Variants in TPRG1 observed in about 807,000 individuals in gnomAD.
TPRG1 encodes tumor protein p63 regulated 1, also known as tumor protein p63-regulated gene 1 protein.
TPRG1 carries 29 observed loss-of-function variants against 29.3 expected under a neutral mutation model. The observed-to-expected ratio is 0.99, with a 90% CI of 0.74 to 1.35. The LOEUF (loss-of-function observed/expected upper bound fraction) is 1.35, where lower values mean the gene tolerates loss of function less well. Ranked by LOEUF, TPRG1 falls within the 40% of genes most tolerant of loss-of-function variation. The pLI is 0.00. For synonymous variants in TPRG1, 130 were observed against 116.8 expected (o/e 1.11, Z -0.73); for missense variants, 327 against 335.0 (o/e 0.98, Z 0.19).
Position 189,119,295 on chromosome 3 carries a change from C to T in TPRG1, c.-743-7762C>T, listed in dbSNP as rs554051918. ...TGGGTGTATTTACCCAATGCCTATG[C>T]CCCCATTGTATCTAGGAAGTCACTA... On this transcript the variant is annotated intron_variant, in intron 1 of 6. Transcript: ENST00000412373. Among the ~76,000 whole-genome samples, 83 of 152,302 alleles carry T rather than the reference C, an allele frequency of 5.4e-4. 1 individual carries two copies. Among genetic ancestry groups the T allele is most frequent in the East Asian group, 1.4e-3 (7 of 5,184 alleles).
chr3:189,062,682 T>C (rs74942211), intron 4 of TPRG1, among the ~76,000 whole-genome samples: 296 of 152,182 alleles, frequency 1.9e-3, no homozygotes, highest in African/African-American at 6.3e-3. Flanking sequence ...TTGATGCCAG[T>C]AGAATGTGAT....
At chr3:189,173,422 C>T (rs1177205699) in intron 1 of TPRG1, among the ~76,000 whole-genome samples, 1 of 150,488 alleles carries the variant, frequency 6.6e-6, no homozygotes, top group Non-Finnish European at 1.5e-5. Context: ...TCACTGCAGC[C>T]TCCACCTCCC....
intron 1 of TPRG1, among the ~76,000 whole-genome samples, chr3:189,173,977 G>A (rs1264897418): frequency 1.8e-4 from 27 of 152,186 alleles, no homozygotes; most frequent in Admixed American, 1.8e-3. Context: ...AAATGTTGGA[G>A]CTGCTCCTTA....
At chr3:189,191,657 T>C (rs1215232253) in intron 1 of TPRG1, among the ~76,000 whole-genome samples, 3 of 152,210 alleles carry the variant, frequency 2.0e-5, no homozygotes, top group Non-Finnish European at 4.4e-5. Context: ...GGGAGCTTAA[T>C]GTATATATTT....
At chr3:189,198,167 C>G (rs1732857551) in intron 1 of TPRG1, among the ~76,000 whole-genome samples, 1 of 152,160 alleles carries the variant, frequency 6.6e-6, no homozygotes, top group African/African-American at 2.4e-5. Flanking sequence ...ACCATATTAC[C>G]TGCCACTTTT....
chr3:189,225,695 G>A (rs1475213100), intron 3 of TPRG1, among the ~76,000 whole-genome samples: 2 of 152,004 alleles, frequency 1.3e-5, no homozygotes, highest in African/African-American at 4.8e-5. Context: ...GGGTTTCCTG[G>A]GTTGTGCCAA....
chr3:189,149,756 T>G (rs1360128926), intron 4 of TPRG1, among the ~76,000 whole-genome samples: 1 of 152,154 alleles, frequency 6.6e-6, no homozygotes, highest in East Asian at 1.9e-4. Context: ...ACTTCTCTGT[T>G]TCGAGCCTGT....
chr3:189,025,304 C>T (rs142954422), intron 4 of TPRG1, among the ~76,000 whole-genome samples: 1 of 152,180 alleles, frequency 6.6e-6, no homozygotes, highest in Non-Finnish European at 1.5e-5. Context: ...CATTCACTCA[C>T]TGCCTCCCTT....
chr3:189,312,166 TTTCTTTCTTTCTTTCTTTTTTTC>T (rs1232189602), intron 5 of TPRG1, among the ~76,000 whole-genome samples: 802 of 74,472 alleles, frequency 0.011, 8 homozygotes, highest in East Asian at 0.058. Context: ...TCTTTCTTTC[TTTCTTTCTTTCTTTCTTTTTTTC>T]TTTCTTTCTT....
upstream of TPRG1, among the ~76,000 whole-genome samples, chr3:189,167,221 G>A (rs1014319976): frequency 2.6e-5 from 4 of 152,188 alleles, no homozygotes; most frequent in African/African-American, 7.2e-5. Context: ...AGGAGCCCAG[G>A]TGCTTAGCAG....
chr3:189,066,190 A>G (rs1029802962), intron 4 of TPRG1, among the ~76,000 whole-genome samples: 13 of 152,176 alleles, frequency 8.5e-5, no homozygotes, highest in African/African-American at 2.9e-4. Flanking sequence ...TCTCCGAGCA[A>G]AGGAAACCCT....
At chr3:189,291,347 G>A (rs1462850422) in intron 4 of TPRG1, among the ~76,000 whole-genome samples, 2 of 152,184 alleles carry the variant, frequency 1.3e-5, no homozygotes, top group Non-Finnish European at 2.9e-5. Flanking sequence ...CTGTTTGTAT[G>A]TAAAAATACT....
chr3:188,999,564 T>A (rs142331460), intron 1 of TPRG1, among the ~76,000 whole-genome samples: 1 of 152,296 alleles, frequency 6.6e-6, no homozygotes, highest in East Asian at 1.9e-4. Flanking sequence ...TTAAAATAAC[T>A]TATTTGCCCT....
At chr3:189,267,293 G>C (rs548429276) in intron 4 of TPRG1, among the ~76,000 whole-genome samples, 1 of 152,176 alleles carries the variant, frequency 6.6e-6, no homozygotes, top group Non-Finnish European at 1.5e-5. Context: ...AAGTAGCCTT[G>C]ACAAAATAGC....
At chr3:189,155,177 C>T (rs1726505361) in intron 5 of TPRG1, among the ~76,000 whole-genome samples, 2 of 151,894 alleles carry the variant, frequency 1.3e-5, no homozygotes. Flanking sequence ...ATCATGGGGG[C>T]CTTGGAGCCC....
chr3:189,325,009 G>C lies in TPRG1; in HGVS notation c.*4189G>C, dbSNP rs945357905. The C allele has an allele frequency of 6.6e-6, 1 of 152,116 alleles. No homozygotes were observed. The highest frequency in any genetic ancestry group is 2.1e-4 in the South Asian group (1 of 4,828). The allele number at this position is 152,116 out of a possible 1,614,324, so 9.4% of individuals were successfully genotyped here. A position where few individuals can be genotyped will look rare whatever the true frequency, so the allele number is the denominator to read the frequency against. Reference sequence around the variant, plus strand: ...GCACCTCCCACAACGTGCTCCGAAAGCAGTTAGGGGACTAGGCCTCTTGAT... The same window carrying C: ...GCACCTCCCACAACGTGCTCCGAAACCAGTTAGGGGACTAGGCCTCTTGAT... On this transcript the variant is annotated 3_prime_UTR_variant, in exon 6 of 6. Coordinates refer to ENST00000345063, the MANE Select transcript of TPRG1 (RefSeq NM_198485.4).
chr3:189,143,687 G>C (rs1344377459), intron 3 of TPRG1, among the ~76,000 whole-genome samples: 1 of 152,162 alleles, frequency 6.6e-6, no homozygotes, highest in African/African-American at 2.4e-5. Context: ...TACTCAGGCT[G>C]ACCCCAACCC....
chr3:189,160,321 G>C (rs1053489042), intron 5 of TPRG1, among the ~76,000 whole-genome samples: 6 of 152,172 alleles, frequency 3.9e-5, no homozygotes, highest in African/African-American at 1.4e-4. Flanking sequence ...CTGTGCAAGT[G>C]ATTTAGATGA....
chr3:189,193,564 A>T (rs191484820), intron 1 of TPRG1, among the ~76,000 whole-genome samples: 1 of 151,366 alleles, frequency 6.6e-6, no homozygotes, highest in African/African-American at 2.4e-5. Context: ...TGTTCACTTA[A>T]TAGTGTCCAT....
Sources: gnomAD v4.1 joint callset for allele counts (sites outside exome capture counted in the v4.1 genomes callset) on GRCh38, gnomAD v4.1.1 for gene constraint, MANE v1.5 for transcripts, NCBI Gene and HGNC (gene_info 2026-07-23, HGNC 2026-07-21) for gene names.